The following MCPH1 variants were observed in gnomAD, a reference collection of about 807,000 sequenced individuals.
MCPH1 encodes microcephalin.
A neutral mutation model predicts 84.5 loss-of-function variants in MCPH1; 104 were observed. That is an observed-to-expected ratio of 1.23 (90% confidence interval 1.05 to 1.45). MCPH1 has a LOEUF of 1.45. Among genes scored for constraint, MCPH1 ranks in the 40% most tolerant of loss-of-function variants. The probability of loss-of-function intolerance (pLI) is 0.00; values close to 1 mark genes in which losing one functional copy is unlikely to be tolerated. For synonymous variants in MCPH1, 514 were observed against 366.8 expected (o/e 1.40, Z -4.58); for missense variants, 1,498 against 1,005.7 (o/e 1.49, Z -6.62).
chr8:6,528,924 G>C (rs1405120968), intron 12 of MCPH1, among the ~76,000 whole-genome samples: 1 of 152,124 alleles, frequency 6.6e-6, no homozygotes, highest in Non-Finnish European at 1.5e-5. Flanking sequence ...GCCAACGTAA[G>C]GTTTTGTTTG....
intron 5 of MCPH1, among the ~76,000 whole-genome samples, chr8:6,437,986 T>A (rs1802928158): frequency 6.6e-6 from 1 of 152,190 alleles, no homozygotes; most frequent in Non-Finnish European, 1.5e-5. Context: ...GGTTTAAAAT[T>A]TCCTGGTGTC....
intron 12 of MCPH1, among the ~76,000 whole-genome samples, chr8:6,531,313 A>G (rs1327015438): frequency 7.2e-6 from 1 of 139,800 alleles, no homozygotes; most frequent in African/African-American, 2.7e-5. Flanking sequence ...TTTTGAGTTG[A>G]AGTCTCACTC....
At chr8:6,418,200 C>T (rs1347724727) in intron 3 of MCPH1, among the ~76,000 whole-genome samples, 3 of 152,074 alleles carry the variant, frequency 2.0e-5, no homozygotes, top group Admixed American at 6.5e-5. Flanking sequence ...GTCTCTTCAG[C>T]GAGAAAGGAG....
At chr8:6,595,845 G>C (rs1253566321) in intron 12 of MCPH1, among the ~76,000 whole-genome samples, 1 of 152,194 alleles carries the variant, frequency 6.6e-6, no homozygotes, top group African/African-American at 2.4e-5. Flanking sequence ...CAATTGGGCA[G>C]GCAACGGCCC....
At chr8:6,605,040 C>G (rs1471975108) in intron 12 of MCPH1, among the ~76,000 whole-genome samples, 1 of 152,054 alleles carries the variant, frequency 6.6e-6, no homozygotes, top group East Asian at 1.9e-4. Flanking sequence ...AGTCAGGTCA[C>G]CCCGACAGGA....
In MCPH1 at chr8:6,521,318, A is replaced by G; in HGVS notation, c.2214+21389A>G. The G allele has an allele frequency of 6.2e-7, 1 of 1,613,850 alleles. No homozygotes were observed. Among genetic ancestry groups the G allele is most frequent in the East Asian group, 2.2e-5 (1 of 44,814 alleles). ...TTCAATGATGGAATTTTGCTTGGAT[A>G]CTAACACCTGTAGCTGATCTTTCTC... is the stretch of plus-strand genomic sequence containing the variant. On this transcript the variant is annotated intron_variant, in intron 12 of 13. Coordinates refer to ENST00000344683, the MANE Select transcript of MCPH1 (RefSeq NM_024596.5).
intron 11 of MCPH1, among the ~76,000 whole-genome samples, chr8:6,495,152 A>C (rs978433367): frequency 2.6e-5 from 4 of 152,184 alleles, no homozygotes; most frequent in African/African-American, 9.7e-5. Context: ...AATGCTTTGG[A>C]CATAAGTACC....
chr8:6,448,124 A>G (rs996922223), intron 8 of MCPH1, among the ~76,000 whole-genome samples: 4 of 152,216 alleles, frequency 2.6e-5, no homozygotes, highest in Admixed American at 6.5e-5. Context: ...CAAATAGTAA[A>G]TAAGTGTATA....
At chr8:6,638,141 T>C (rs1224856916) in intron 13 of MCPH1, among the ~76,000 whole-genome samples, 1 of 151,896 alleles carries the variant, frequency 6.6e-6, no homozygotes, top group Non-Finnish European at 1.5e-5. Flanking sequence ...AGCTCTGGGC[T>C]CATTATGAGA....
intron 3 of MCPH1, among the ~76,000 whole-genome samples, chr8:6,421,231 A>G (rs1038840986): frequency 1.3e-5 from 2 of 152,028 alleles, no homozygotes; most frequent in African/African-American, 4.8e-5. Context: ...ACACTTTAGC[A>G]CAACAGGTGT....
chr8:6,549,296 A>C (rs765955117), intron 12 of MCPH1, among the ~76,000 whole-genome samples: 15 of 152,270 alleles, frequency 9.9e-5, no homozygotes, highest in Admixed American at 2.6e-4. Context: ...AGAAACTTTA[A>C]CATGCACAAC....
chr8:6,504,907 G>T (rs879464900), intron 12 of MCPH1, among the ~76,000 whole-genome samples: 2 of 151,942 alleles, frequency 1.3e-5, no homozygotes, highest in African/African-American at 2.4e-5. Context: ...CTAAGGATAA[G>T]GGAGGACTGC....
At chr8:6,415,330 C>G (rs572724976) in intron 3 of MCPH1, among the ~76,000 whole-genome samples, 44 of 147,212 alleles carry the variant, frequency 3.0e-4, no homozygotes, top group African/African-American at 1.1e-3. Flanking sequence ...CTCTGTCATC[C>G]AAGCTAGAGT....
intron 12 of MCPH1, among the ~76,000 whole-genome samples, chr8:6,520,484 C>T (rs531939576): frequency 1.2e-4 from 19 of 152,264 alleles, no homozygotes; most frequent in African/African-American, 4.1e-4. Flanking sequence ...CATCCTCCTC[C>T]TCCCAGGTTT....
Position 6,431,436 on chromosome 8 carries a change from A to C in MCPH1, c.234-63A>C. 2.5e-6 allele frequency: 3 copies of C among 1,202,956 alleles called. No individual in the cohort carries two copies. The South Asian group carries it at 3.7e-5, about 15-fold the overall frequency. The allele number at this position is 1,202,956 out of a possible 1,614,324, so 74.5% of individuals were successfully genotyped here. A position where few individuals can be genotyped will look rare whatever the true frequency, so the allele number is the denominator to read the frequency against. ...AAATTGCTAATACATGTGCAGATTT[A>C]GTGCTGTGTCAATGTATAATAGAAG... On this transcript the variant is annotated intron_variant, in intron 3 of 13. Transcript: ENST00000344683.
At chr8:6,423,183 T>C (rs1800498391) in intron 3 of MCPH1, among the ~76,000 whole-genome samples, 1 of 130,402 alleles carries the variant, frequency 7.7e-6, no homozygotes. Flanking sequence ...CATTTTTCTT[T>C]TCTTTTCTTT....
chr8:6,625,985 G>C, intron 13 of MCPH1: 15 of 985,230 alleles, frequency 1.5e-5, no homozygotes, highest in Non-Finnish European at 1.7e-5. Flanking sequence ...GGGAAAGGAA[G>C]GTGGGTACTG....
At chr8:6,558,979 C>A (rs1009839656) in intron 12 of MCPH1, among the ~76,000 whole-genome samples, 1 of 152,060 alleles carries the variant, frequency 6.6e-6, no homozygotes, top group Non-Finnish European at 1.5e-5. Context: ...CATAGTGAAA[C>A]TGTCTCTTCT....
intron 10 of MCPH1, among the ~76,000 whole-genome samples, chr8:6,478,197 A>G (rs1202805353): frequency 2.0e-5 from 3 of 152,244 alleles, no homozygotes; most frequent in East Asian, 3.8e-4. Flanking sequence ...TAAGACATCC[A>G]TCAAAACATT....
Sources: gnomAD v4.1 joint callset for allele counts (sites outside exome capture counted in the v4.1 genomes callset) on GRCh38, gnomAD v4.1.1 for gene constraint, MANE v1.5 for transcripts, NCBI Gene and HGNC (gene_info 2026-07-23, HGNC 2026-07-21) for gene names.